The following PTPN9 variants were observed in gnomAD, a reference collection of about 807,000 sequenced individuals.
The protein encoded by PTPN9 is tyrosine-protein phosphatase non-receptor type 9.
PTPN9 carries 26 observed loss-of-function variants against 69.8 expected under a neutral mutation model. That is an observed-to-expected ratio of 0.37 (90% CI 0.27 to 0.52). PTPN9 has a LOEUF of 0.52. Among genes scored for constraint, PTPN9 ranks in the 20% least tolerant of loss-of-function variants. PTPN9 has a pLI of 0.91. For missense variants in PTPN9, 549 were observed against 740.3 expected (o/e 0.74, Z 3.00); for synonymous variants, 274 against 272.5 (o/e 1.01, Z -0.05).
At position 75,465,056 on chromosome 15, in the gene PTPN9, G is replaced by C. The variant is rs1455554128; in HGVS notation, c.*3713C>G. The C allele has an allele frequency of 6.6e-6, 1 of 152,180 alleles. No homozygotes were observed. Among genetic ancestry groups the C allele is most frequent in the East Asian group, 1.9e-4 (1 of 5,198 alleles). 9.4% of individuals were successfully genotyped at this position (152,180 alleles called of 1,614,324 possible). On this transcript the variant is annotated 3_prime_UTR_variant, in exon 13 of 13. Coordinates refer to ENST00000618819, the MANE Select transcript of PTPN9 (RefSeq NM_002833.4). ...GCCATCAAATCAGAAGCAGAAGCCT[G>C]CTTTAGCTCAGTGTTTTCTTCTTTC... is the stretch of plus-strand genomic sequence containing the variant.
At chr15:75,477,465 G>T (rs2074602435) in intron 9 of PTPN9, among the ~76,000 whole-genome samples, 1 of 152,070 alleles carries the variant, frequency 6.6e-6, no homozygotes, top group Admixed American at 6.6e-5. Context: ...CATGGTGGCA[G>T]GTGCCTGTAA....
chr15:75,563,059 C>T (rs147901278), intron 1 of PTPN9, among the ~76,000 whole-genome samples: 54 of 152,192 alleles, frequency 3.5e-4, no homozygotes, highest in African/African-American at 9.6e-4. Flanking sequence ...ACACAATAGA[C>T]AGCTTTTTGA....
In PTPN9 at chr15:75,530,589, ATAT is replaced by A. The variant is rs1424165407; in HGVS notation, c.64-3331_64-3329del. Among the ~76,000 whole-genome samples the A allele has an allele frequency of 3.4e-3, 277 of 82,394 alleles. 6 individuals are homozygous for A. The highest frequency in any genetic ancestry group is 4.8e-3 in the Non-Finnish European group (221 of 46,364). The allele number at this position is 82,394 out of a possible 152,430, so 54.1% of individuals were successfully genotyped here. ...ATTATATTATAATATACTATAATAT[ATAT>A]TATTATATTATAATATACTATAATA... On this transcript the variant is annotated intron_variant, in intron 1 of 12. Coordinates refer to ENST00000618819, the MANE Select transcript of PTPN9 (RefSeq NM_002833.4).
intron 9 of PTPN9, among the ~76,000 whole-genome samples, chr15:75,476,146 G>A (rs1003788196): frequency 1.3e-5 from 2 of 152,092 alleles, no homozygotes; most frequent in Non-Finnish European, 1.5e-5. Context: ...GTGACAGAGT[G>A]AGACCCTGTC....
At chr15:75,497,729 G>A (rs1247886292) in intron 7 of PTPN9, among the ~76,000 whole-genome samples, 1 of 150,268 alleles carries the variant, frequency 6.7e-6, no homozygotes. Context: ...TTGAACCCAG[G>A]AGGCGGAGGT....
Position 75,474,298 on chromosome 15 carries a change from T to C in PTPN9, c.1130-531A>G, listed in dbSNP as rs750469614. Reference sequence around the variant, plus strand: ...ACTTTGGGAGGCCATGGCAGGCAGGTTGCCTGAGCTCAAGAGTTTGAGATC... The same window carrying C: ...ACTTTGGGAGGCCATGGCAGGCAGGCTGCCTGAGCTCAAGAGTTTGAGATC... On this transcript the variant is annotated intron_variant, in intron 9 of 12. Transcript: ENST00000618819. Among the ~76,000 whole-genome samples, 44 of 152,328 alleles carry C rather than the reference T, an allele frequency of 2.9e-4. No individual in the cohort carries two copies. The South Asian group carries it at 4.4e-3, about 15-fold the overall frequency.
intron 2 of PTPN9, 115 bp from the exon 3 acceptor site, chr15:75,524,413 T>C (rs1251118613): frequency 5.5e-6 from 3 of 546,220 alleles, no homozygotes; most frequent in Non-Finnish European, 9.9e-6. Context: ...GAATGAATTA[T>C]AAATTTCATA....
intron 8 of PTPN9, among the ~76,000 whole-genome samples, chr15:75,489,332 T>C (rs543370022): frequency 6.6e-6 from 1 of 152,172 alleles, no homozygotes; most frequent in African/African-American, 2.4e-5. Flanking sequence ...AATTGGCCTG[T>C]AATTCCAGCA....
At chr15:75,512,099 C>T (rs2074848276) in intron 5 of PTPN9, among the ~76,000 whole-genome samples, 1 of 152,138 alleles carries the variant, frequency 6.6e-6, no homozygotes, top group African/African-American at 2.4e-5. Context: ...CCCATCTTGG[C>T]CTTTCAAAGT....
rs2075185163 is a variant in PTPN9 at position 75,578,707 on chromosome 15, C to G, written c.63+7G>C. On this transcript the variant is annotated splice_region_variant and intron_variant, in intron 1 of 12. Transcript: ENST00000618819. ...ACACCCAACGCGGCGGCCTCGGGCCCGCTTACCTGCTCCTCCTCCGGGGTC... is the reference window on the plus strand; with the variant it reads ...ACACCCAACGCGGCGGCCTCGGGCCGGCTTACCTGCTCCTCCTCCGGGGTC... The G allele has an allele frequency of 2.2e-6, 3 of 1,370,542 alleles. No individual in the cohort carries two copies. The highest frequency in any genetic ancestry group is 6.4e-5 in the East Asian group (2 of 31,458). 84.9% of individuals were successfully genotyped at this position (1,370,542 alleles called of 1,614,324 possible).
At chr15:75,512,879 ATTC>A in intron 5 of PTPN9, 1 of 317,738 alleles carries the variant, frequency 3.1e-6, no homozygotes, top group South Asian at 3.4e-5. Flanking sequence ...CCAACTATGT[ATTC>A]TTCTGTATTT....
chr15:75,468,820 C>A lies in PTPN9; in HGVS notation c.1731G>T (p.Lys577Asn), dbSNP rs752153208. Residue 577 changes from lysine to asparagine, a missense_variant, in exon 13 of 13, where the codon AAG becomes AAT. Lys to Asn is a moderately conservative substitution (Grantham distance 94). This residue lies in a region of PTPN9 where 30 missense variants were observed against 24.8 expected (regional missense o/e 1.21). Coordinates refer to ENST00000618819, the MANE Select transcript of PTPN9 (RefSeq NM_002833.4). Reference protein sequence around the residue: ...CYKAILEFAEKEGMVSSGQNL... With the variant: ...CYKAILEFAENEGMVSSGQNL... ...TTTGGCCAGAGGATACCATGCCCTCCTTCTCTGCGAACTCCAGGATGGCCT... is the reference window on the plus strand; with the variant it reads ...TTTGGCCAGAGGATACCATGCCCTCATTCTCTGCGAACTCCAGGATGGCCT... 20 of 1,614,056 alleles carry A rather than the reference C, an allele frequency of 1.2e-5. No homozygotes were observed. The highest frequency in any genetic ancestry group is 1.6e-5 in the Non-Finnish European group (19 of 1,180,022).
At chr15:75,554,297 C>T (rs1048246232) in intron 1 of PTPN9, among the ~76,000 whole-genome samples, 8 of 151,704 alleles carry the variant, frequency 5.3e-5, no homozygotes, top group South Asian at 2.1e-4. Flanking sequence ...CGGGTTCAAG[C>T]GATTCTTCTG....
At chr15:75,471,270 AAAAAAG>A (rs955877755) in intron 10 of PTPN9, among the ~76,000 whole-genome samples, 5 of 152,102 alleles carry the variant, frequency 3.3e-5, no homozygotes, top group African/African-American at 4.8e-5. Flanking sequence ...ACTCCATCTC[AAAAAAG>A]AAAAAGAAAA....
intron 1 of PTPN9, among the ~76,000 whole-genome samples, chr15:75,566,439 T>C (rs1419855030): frequency 1.3e-5 from 2 of 152,188 alleles, no homozygotes; most frequent in African/African-American, 4.8e-5. Flanking sequence ...CCTAGCACTT[T>C]GGGAGGCCGA....
At chr15:75,485,354 CTTTTT>C (rs891447336) in intron 8 of PTPN9, among the ~76,000 whole-genome samples, 7 of 78,760 alleles carry the variant, frequency 8.9e-5, no homozygotes, top group African/African-American at 2.7e-4. Flanking sequence ...ATTGTCACTT[CTTTTT>C]TTTTTTTTTT....
intron 7 of PTPN9, among the ~76,000 whole-genome samples, chr15:75,500,426 C>T (rs926938196): frequency 2.0e-5 from 3 of 151,938 alleles, no homozygotes; most frequent in Non-Finnish European, 4.4e-5. Flanking sequence ...GTAATTCCAT[C>T]TACTTGGGAG....
chr15:75,578,687 C>A, intron 1 of PTPN9, 27 bp downstream of exon 1: 1 of 1,365,688 alleles, frequency 7.3e-7, no homozygotes, highest in Non-Finnish European at 9.5e-7. Context: ...CGGACACACC[C>A]AACGCGGCGG....
intron 4 of PTPN9, among the ~76,000 whole-genome samples, chr15:75,519,426 C>T (rs899097315): frequency 2.0e-5 from 3 of 151,738 alleles, no homozygotes; most frequent in African/African-American, 7.3e-5. Context: ...TTGTATCTTA[C>T]TATTTTTGCA....
Sources: gnomAD v4.1 joint callset for allele counts (sites outside exome capture counted in the v4.1 genomes callset) on GRCh38, gnomAD v4.1.1 for gene constraint, gnomAD v4.1.1 regional missense constraint, MANE v1.5 for transcripts, NCBI Gene and HGNC (gene_info 2026-07-23, HGNC 2026-07-21) for gene names.